Variants in UQCC1 observed in about 807,000 individuals in gnomAD.
The protein encoded by UQCC1 is ubiquinol-cytochrome c reductase complex assembly factor 1.
UQCC1 carries 38 observed loss-of-function variants against 48.0 expected under a neutral mutation model. The ratio of observed to expected loss-of-function variants is 0.79; its 90% CI spans 0.61 to 1.04. The LOEUF (loss-of-function observed/expected upper bound fraction) is 1.04. Among genes scored for constraint, UQCC1 ranks in the 50% least tolerant of loss-of-function variants. The probability of loss-of-function intolerance (pLI) is 0.00; values close to 1 mark genes in which losing one functional copy is unlikely to be tolerated. For synonymous variants in UQCC1, 111 were observed against 129.2 expected (o/e 0.86, Z 0.95); for missense variants, 368 against 381.8 (o/e 0.96, Z 0.30).
chr20:35,410,195 G>GT (rs2062327700), intron 1 of UQCC1: 1 of 152,094 alleles, frequency 6.6e-6, no homozygotes, highest in Non-Finnish European at 1.5e-5. Context: ...TAAGGATTAG[G>GT]TAAGTATTTT....
intron 9 of UQCC1, 63 bp downstream of exon 9, chr20:35,306,603 G>C (rs1473275926): frequency 3.1e-6 from 4 of 1,304,236 alleles, no homozygotes; most frequent in Non-Finnish European, 4.4e-6. Flanking sequence ...ATGATCCCCT[G>C]AAAGCCCAAG....
At chr20:35,335,170 A>G (rs991568389) in intron 7 of UQCC1, among the ~76,000 whole-genome samples, 2 of 152,148 alleles carry the variant, frequency 1.3e-5, no homozygotes, top group Admixed American at 1.3e-4. Flanking sequence ...GAATTCAAAC[A>G]ACTTGATAAA....
At chr20:35,305,626 C>T (rs1264220458) in intron 9 of UQCC1, among the ~76,000 whole-genome samples, 9 of 152,234 alleles carry the variant, frequency 5.9e-5, no homozygotes, top group Non-Finnish European at 1.5e-5. Context: ...AACAGAAGTC[C>T]TGGCTCCTGG....
At chr20:35,380,215 G>A (rs1600982765) in intron 4 of UQCC1, among the ~76,000 whole-genome samples, 1 of 152,076 alleles carries the variant, frequency 6.6e-6, no homozygotes, top group African/African-American at 2.4e-5. Flanking sequence ...TTTAATAGGG[G>A]AAAAGATTCT....
chr20:35,365,097 G>A (rs1213792100), intron 6 of UQCC1, among the ~76,000 whole-genome samples: 1 of 152,190 alleles, frequency 6.6e-6, no homozygotes, highest in African/African-American at 2.4e-5. Flanking sequence ...GGCAGGCAGT[G>A]TGCCTTTTAA....
intron 7 of UQCC1, among the ~76,000 whole-genome samples, chr20:35,341,526 A>G (rs1406467667): frequency 6.6e-6 from 1 of 152,164 alleles, no homozygotes; most frequent in Admixed American, 6.6e-5. Context: ...CTGGGCACCT[A>G]TTCAGGAAAG....
At chr20:35,378,864 C>T (rs2061833930) in intron 4 of UQCC1, among the ~76,000 whole-genome samples, 1 of 152,102 alleles carries the variant, frequency 6.6e-6, no homozygotes, top group Non-Finnish European at 1.5e-5. Flanking sequence ...ATTATTCTGC[C>T]CACTGGAATA....
chr20:35,384,004 C>T, intron 3 of UQCC1, 34 bp downstream of exon 3: 1 of 1,573,126 alleles, frequency 6.4e-7, no homozygotes, highest in Non-Finnish European at 8.7e-7. Context: ...TGTGAAAGCA[C>T]TCTATAAACA....
At chr20:35,347,033 G>A (rs1386075111) in intron 7 of UQCC1, 131 bp downstream of exon 7, 18 of 1,596,574 alleles carry the variant, frequency 1.1e-5, no homozygotes, top group Non-Finnish European at 1.5e-5. Flanking sequence ...GACTTTAGCG[G>A]AACTGCCACT....
chr20:35,393,470 A>G (rs959042472), intron 2 of UQCC1, among the ~76,000 whole-genome samples: 35 of 139,152 alleles, frequency 2.5e-4, no homozygotes, highest in African/African-American at 9.5e-4. Context: ...CATTACATAT[A>G]CATACACACA....
rs1163011187 is a variant in UQCC1 at position 35,410,767 on chromosome 20, A to C, written c.24+1173T>G. Among the ~76,000 whole-genome samples, 49 of 142,310 alleles carry C rather than the reference A, an allele frequency of 3.4e-4. 1 individual carries two copies. Among genetic ancestry groups the C allele is most frequent in the African/African-American group, 1.1e-3 (43 of 39,248 alleles). 93.4% of individuals were successfully genotyped at this position (142,310 alleles called of 152,430 possible). ...GCAGGGGAAGGATTAAAAAAAAAAA[A>C]AAAAAAAAAACCACTAAATTCAGAA... On this transcript the variant is annotated intron_variant, in intron 1 of 9. Coordinates refer to ENST00000374385, the MANE Select transcript of UQCC1 (RefSeq NM_018244.5).
intron 6 of UQCC1, among the ~76,000 whole-genome samples, chr20:35,362,272 T>C (rs1007469961): frequency 3.3e-5 from 5 of 152,212 alleles, no homozygotes; most frequent in African/African-American, 1.2e-4. Flanking sequence ...GTGATGGTAA[T>C]AGTGCCTAAA....
chr20:35,307,116 A>G (rs2060938554), intron 8 of UQCC1: 1 of 385,184 alleles, frequency 2.6e-6, no homozygotes, highest in Non-Finnish European at 5.0e-6. Context: ...CAGTAGCAGC[A>G]ATGCTCCCCC....
intron 7 of UQCC1, among the ~76,000 whole-genome samples, chr20:35,322,796 TGTAA>T (rs2061145709): frequency 6.6e-6 from 1 of 152,116 alleles, no homozygotes; most frequent in Admixed American, 6.6e-5. Flanking sequence ...ACATCCTGCT[TGTAA>T]GTGACAGTGC....
intron 7 of UQCC1, among the ~76,000 whole-genome samples, chr20:35,324,494 TTTG>T (rs920099553): frequency 1.3e-5 from 2 of 152,062 alleles, no homozygotes; most frequent in African/African-American, 4.8e-5. Context: ...GCCCAGCTAA[TTTG>T]TTGTATTTTT....
At chr20:35,343,159 T>C (rs2146377705) in intron 7 of UQCC1, among the ~76,000 whole-genome samples, 1 of 152,326 alleles carries the variant, frequency 6.6e-6, no homozygotes, top group South Asian at 2.1e-4. Context: ...TTCTACATTT[T>C]ATATGTTTTC....
chr20:35,394,076 GAAC>G lies in UQCC1; in HGVS notation c.129+13_129+15del, dbSNP rs1197813410. 1 of 1,606,460 alleles carries G rather than the reference GAAC, an allele frequency of 6.2e-7. No individual in the cohort carries two copies. The highest frequency in any genetic ancestry group is 8.5e-7 in the Non-Finnish European group (1 of 1,173,286). ...ACTAAGGTTTTCATACTAAGCAAAAGAACAACAAATCTTACCTGGGAAGTGCGA... is the reference window on the plus strand; with the variant it reads ...ACTAAGGTTTTCATACTAAGCAAAAGAACAAATCTTACCTGGGAAGTGCGA... On this transcript the variant is annotated intron_variant, in intron 2 of 9. Transcript: ENST00000374385.
chr20:35,320,150 T>A (rs888001924), intron 7 of UQCC1, among the ~76,000 whole-genome samples: 2 of 152,218 alleles, frequency 1.3e-5, no homozygotes, highest in African/African-American at 4.8e-5. Context: ...TAACTCCTTA[T>A]CCTCTAAGAC....
rs192524043 is a variant in UQCC1 at position 35,388,127 on chromosome 20, T to C, written c.130-3994A>G. Among the ~76,000 whole-genome samples, 7 of 151,668 alleles carry C rather than the reference T, an allele frequency of 4.6e-5. No homozygotes were observed. The East Asian group carries it at 1.4e-3, about 30-fold the overall frequency. Reference sequence around the variant, plus strand: ...TCCCAAATAGCTGGGATTACAGACGTGTGCCACCACGCCAGCTAATTTTTT... The same window carrying C: ...TCCCAAATAGCTGGGATTACAGACGCGTGCCACCACGCCAGCTAATTTTTT... On this transcript the variant is annotated intron_variant, in intron 2 of 9. Coordinates refer to ENST00000374385, the MANE Select transcript of UQCC1 (RefSeq NM_018244.5).
Sources: gnomAD v4.1 joint callset for allele counts (sites outside exome capture counted in the v4.1 genomes callset) on GRCh38, gnomAD v4.1.1 for gene constraint, MANE v1.5 for transcripts, NCBI Gene and HGNC (gene_info 2026-07-23, HGNC 2026-07-21) for gene names.